CARD9: variants seen among roughly 807,000 people sequenced by gnomAD.
The protein encoded by CARD9 is caspase recruitment domain-containing protein 9.
Under a neutral mutation model 66.0 loss-of-function variants are expected in CARD9, and 53 were observed. The ratio of observed to expected loss-of-function variants is 0.80; its 90% CI spans 0.64 to 1.01. The LOEUF is 1.01. CARD9 is among the 50% of genes least tolerant of loss of function. The pLI, the probability that CARD9 is intolerant of heterozygous loss-of-function variation, is 0.00. For synonymous variants in CARD9, 387 were observed against 313.8 expected (o/e 1.23, Z -2.47); for missense variants, 769 against 743.2 (o/e 1.03, Z -0.40).
chr9:136,370,650 C>T lies in CARD9; in HGVS notation c.679G>A (p.Glu227Lys). The change falls in exon 5 of 13, where the codon GAG becomes AAG. Residue 227 changes from glutamate (E) to lysine (K), a missense_variant. Coordinates refer to ENST00000371732, the MANE Select transcript of CARD9 (RefSeq NM_052813.5). ...LMKAEDDCKV[E>K]RKHTLKLRHA... ...CTGAGCTTCAGCGTGTGCTTGCGCT[C>T]CACCTTGCAGTCGTCCTCGGCCTTC... 6.2e-7 allele frequency: 1 copy of T among 1,612,782 alleles called. No individual in the cohort carries two copies. The highest frequency in any genetic ancestry group is 8.5e-7 in the Non-Finnish European group (1 of 1,179,916).
At position 136,364,428 on chromosome 9, in the gene CARD9, ACCCGGCTGCCGCTCCCCAGC is replaced by A. The variant is rs754314758; in HGVS notation, c.1511+35_1512-28del. 9.1e-6 allele frequency: 14 copies of A among 1,541,286 alleles called. No homozygotes were observed. In the Admixed American group the frequency reaches 2.5e-4, roughly 28 times the overall value. On this transcript the variant is annotated intron_variant, in intron 12 of 12. Transcript: ENST00000371732. ...TGTGAAGACAGGTGTCTCAGGCGCG[ACCCGGCTGCCGCTCCCCAGC>A]CCGTTTTGGAGAAGCCTGGGGGCCG...
chr9:136,372,380 G>C (rs1167196523), intron 1 of CARD9, among the ~76,000 whole-genome samples: 1 of 152,218 alleles, frequency 6.6e-6, no homozygotes, highest in African/African-American at 2.4e-5. Flanking sequence ...ATGTCACCCA[G>C]ATACGCAGCG....
intron 7 of CARD9, 97 bp from the exon 8 acceptor site, chr9:136,367,925 A>G: frequency 6.8e-7 from 1 of 1,465,300 alleles, no homozygotes; most frequent in East Asian, 2.5e-5. Flanking sequence ...GCTCCGGAGG[A>G]CGTCAAGCCG....
intron 1 of CARD9, 148 bp downstream of exon 1, chr9:136,373,384 G>T: frequency 2.3e-6 from 1 of 437,496 alleles, no homozygotes; most frequent in Non-Finnish European, 3.0e-6. Flanking sequence ...CCGCCCAGGG[G>T]CCGTGAAAGG....
At chr9:136,370,230 G>A (rs1207261729) in intron 6 of CARD9, 64 bp downstream of exon 6, 54 of 1,569,682 alleles carry the variant, frequency 3.4e-5, no homozygotes, top group East Asian at 1.4e-4. Flanking sequence ...CGGAGTGGGC[G>A]GAGCTCAGCC....
Position 136,365,218 on chromosome 9 carries a change from C to A in CARD9, c.1358-1G>T. ...GGGCTCCCCCCGCCGGCAAGGCAGC[C>A]TGGAAAGGAGAGTCGTGCCTGTGGG... is the stretch of plus-strand genomic sequence containing the variant. On this transcript the variant is annotated splice_acceptor_variant, in intron 10 of 12. Transcript: ENST00000371732. LOFTEE classifies it high-confidence loss of function. The A allele has an allele frequency of 3.1e-6, 5 of 1,608,348 alleles. No homozygotes were observed. Among genetic ancestry groups the A allele is most frequent in the Non-Finnish European group, 4.2e-6 (5 of 1,179,822 alleles).
At chr9:136,368,449 G>A (rs1483124453) in intron 7 of CARD9, among the ~76,000 whole-genome samples, 1 of 152,252 alleles carries the variant, frequency 6.6e-6, no homozygotes, top group Non-Finnish European at 1.5e-5. Flanking sequence ...GGCCAGGCGC[G>A]AGTGAGGCTG....
intron 3 of CARD9, 84 bp downstream of exon 3, chr9:136,371,240 A>T (rs1004605063): frequency 4.4e-6 from 7 of 1,581,330 alleles, no homozygotes; most frequent in African/African-American, 1.3e-5. Flanking sequence ...GCTCCTAGGG[A>T]TGGGGGCCAG....
chr9:136,364,712 C>G (rs1433212671), intron 11 of CARD9, 153 bp from the exon 12 acceptor site: 6 of 730,346 alleles, frequency 8.2e-6, no homozygotes, highest in Non-Finnish European at 1.3e-5. Flanking sequence ...CCTGTGGGAC[C>G]TGCCTGTACC....
intron 11 of CARD9, chr9:136,364,885 A>G (rs1048448826): frequency 3.4e-6 from 2 of 595,860 alleles, no homozygotes; most frequent in Non-Finnish European, 6.0e-6. Context: ...CATCCACTGT[A>G]AAGGCCCTCG....
At position 136,364,477 on chromosome 9, in the gene CARD9, G is replaced by A; in HGVS notation, c.1511+6C>T. On this transcript the variant is annotated splice_donor_region_variant and intron_variant, in intron 12 of 12. Transcript: ENST00000371732. Reference sequence around the variant, plus strand: ...TTTTGGAGAAGCCTGGGGGCCGCCCGCCTACCTGCGGTAGTTCTCAAAACT... The same window carrying A: ...TTTTGGAGAAGCCTGGGGGCCGCCCACCTACCTGCGGTAGTTCTCAAAACT... 4 of 1,540,100 alleles carry A rather than the reference G, an allele frequency of 2.6e-6. No individual in the cohort carries two copies. Among genetic ancestry groups the A allele is most frequent in the Non-Finnish European group, 3.5e-6 (4 of 1,146,850 alleles).
At position 136,371,016 on chromosome 9, in the gene CARD9, T is replaced by G; in HGVS notation, c.452A>C (p.Asp151Ala). ...CTCCTGGTGCTTGCGCAGCAGGCTG[T>G]CCTTCACCCGCAGCTCCTTGATGAA... is the stretch of plus-strand genomic sequence containing the variant. ...DDFIKELRVK[D>A]SLLRKHQERV... The change falls in exon 4 of 13, where the codon GAC becomes GCC. Residue 151 changes from aspartate (D) to alanine (A), a missense_variant. Transcript: ENST00000371732. 6.2e-7 allele frequency: 1 copy of G among 1,612,008 alleles called. No homozygotes were observed. The highest frequency in any genetic ancestry group is 8.5e-7 in the Non-Finnish European group (1 of 1,179,670).
Position 136,367,246 on chromosome 9 carries a change from C to T in CARD9, c.1281G>A (p.Leu427=). Residue 427 remains leucine, a synonymous_variant, in exon 9 of 13, where the codon CTG becomes CTA. Transcript: ENST00000371732. Reference sequence around the variant, plus strand: ...GGGACCTCCTGGGTGAGCCATCTTCCAGGTCGGAGCTCTGTGGTCATAGAA... The same window carrying T: ...GGGACCTCCTGGGTGAGCCATCTTCTAGGTCGGAGCTCTGTGGTCATAGAA... The part of the protein sequence containing the change: ...QLETLVLSSD[L]EDGSPRRSQE... The T allele has an allele frequency of 3.7e-6, 6 of 1,612,898 alleles. No individual in the cohort carries two copies. The highest frequency in any genetic ancestry group is 4.2e-6 in the Non-Finnish European group (5 of 1,179,866).
At chr9:136,366,986 G>A (rs536158370) in intron 9 of CARD9, 141 bp from the exon 10 acceptor site, 2 of 1,112,106 alleles carry the variant, frequency 1.8e-6, no homozygotes, top group East Asian at 2.5e-5. Flanking sequence ...AGAGACTCAG[G>A]TGCCCAGCAG....
chr9:136,369,576 C>T (rs939364842), intron 7 of CARD9, among the ~76,000 whole-genome samples, 174 bp downstream of exon 7: 5 of 152,232 alleles, frequency 3.3e-5, no homozygotes, highest in East Asian at 1.9e-4. Flanking sequence ...AGGCTGAGGC[C>T]GGAGGATTGC....
intron 1 of CARD9, among the ~76,000 whole-genome samples, chr9:136,372,869 G>A (rs1368678607): frequency 6.6e-6 from 1 of 152,238 alleles, no homozygotes. Flanking sequence ...CTGCTGCGGT[G>A]TTTTCTCCAG....
At chr9:136,366,149 G>T in intron 10 of CARD9, 1 of 155,024 alleles carries the variant, frequency 6.5e-6, no homozygotes, top group Non-Finnish European at 1.4e-5. Flanking sequence ...AGCACCTTCA[G>T]TGCAAACACC....
chr9:136,365,344 T>A, intron 10 of CARD9, 127 bp from the exon 11 acceptor site: 1 of 839,986 alleles, frequency 1.2e-6, no homozygotes, highest in Non-Finnish European at 1.9e-6. Flanking sequence ...CCCACATGGG[T>A]CCAGTGTAGA....
chr9:136,367,529 C>T (rs569181286), intron 8 of CARD9, 108 bp downstream of exon 8: 13 of 1,352,370 alleles, frequency 9.6e-6, no homozygotes, highest in Admixed American at 2.2e-5. Flanking sequence ...GGTTGGGGCC[C>T]GTCACAGAGA....
Sources: allele counts gnomAD v4.1 joint callset (sites outside exome capture counted in the v4.1 genomes callset), GRCh38; gene constraint gnomAD v4.1.1; transcripts MANE v1.5; gene names NCBI Gene and HGNC (gene_info 2026-07-23, HGNC 2026-07-21).